NCAPH: variants seen among roughly 807,000 people sequenced by gnomAD.
The protein encoded by NCAPH is non-SMC condensin I complex subunit H, also known as condensin complex subunit 2.
Under a neutral mutation model 85.5 loss-of-function variants are expected in NCAPH, and 38 were observed. The ratio of observed to expected loss-of-function variants is 0.44; its 90% CI spans 0.34 to 0.58. The LOEUF (loss-of-function observed/expected upper bound fraction) is 0.58, where lower values mean the gene tolerates loss of function less well. NCAPH is among the 20% of genes least tolerant of loss of function. The probability of loss-of-function intolerance (pLI) is 0.01; values close to 1 mark genes in which losing one functional copy is unlikely to be tolerated. For synonymous variants in NCAPH, 301 were observed against 335.1 expected (o/e 0.90, Z 1.11); for missense variants, 789 against 916.6 (o/e 0.86, Z 1.80).
At chr2:96,343,992 A>G in intron 5 of NCAPH, 113 bp from the exon 6 acceptor site, 2 of 1,374,130 alleles carry the variant, frequency 1.5e-6, no homozygotes, top group Non-Finnish European at 2.0e-6. Flanking sequence ...ATGAGCCACC[A>G]CACCTGGCCT....
At position 96,369,389 on chromosome 2, in the gene NCAPH, T is replaced by C. The variant is rs371075180; in HGVS notation, c.2091-36T>C. 3 of 1,554,154 alleles carry C rather than the reference T, an allele frequency of 1.9e-6. No homozygotes were observed. In the African/African-American group the frequency reaches 4.1e-5, roughly 21 times the overall value. ...ATGAACGAGCTTTTGTTCTAACAGTTGGCAGTGACCTAAATACTTGCCCCT... is the reference window on the plus strand; with the variant it reads ...ATGAACGAGCTTTTGTTCTAACAGTCGGCAGTGACCTAAATACTTGCCCCT... On this transcript the variant is annotated intron_variant, in intron 16 of 17. Transcript: ENST00000240423.
intron 14 of NCAPH, among the ~76,000 whole-genome samples, chr2:96,367,040 G>C (rs1445749363): frequency 6.6e-6 from 1 of 152,160 alleles, no homozygotes; most frequent in East Asian, 1.9e-4. Context: ...AGGTTGCAGT[G>C]AGCTGAGATT....
intron 8 of NCAPH, 38 bp from the exon 9 acceptor site, chr2:96,354,145 A>G: frequency 6.3e-7 from 1 of 1,590,932 alleles, no homozygotes; most frequent in Non-Finnish European, 8.6e-7. Flanking sequence ...GGGTGGTTAT[A>G]GGAATGAGAA....
intron 4 of NCAPH, 26 bp downstream of exon 4, chr2:96,342,874 G>C (rs772706346): frequency 5.1e-6 from 8 of 1,563,436 alleles, no homozygotes; most frequent in Non-Finnish European, 7.0e-6. Flanking sequence ...ACTTTCTCTT[G>C]CATCTGAATT....
intron 9 of NCAPH, among the ~76,000 whole-genome samples, chr2:96,358,629 C>T (rs1018968317): frequency 6.6e-6 from 1 of 152,116 alleles, no homozygotes; most frequent in Non-Finnish European, 1.5e-5. Flanking sequence ...CCACCACGCC[C>T]GGCTAATTTT....
chr2:96,368,529 C>T (rs908913077), intron 15 of NCAPH, among the ~76,000 whole-genome samples: 4 of 152,036 alleles, frequency 2.6e-5, no homozygotes, highest in South Asian at 2.1e-4. Context: ...TGGTGGCGGG[C>T]ACCTGTAATC....
At chr2:96,350,925 G>A (rs1157140662) in intron 6 of NCAPH, among the ~76,000 whole-genome samples, 1 of 152,216 alleles carries the variant, frequency 6.6e-6, no homozygotes, top group Non-Finnish European at 1.5e-5. Context: ...GCACATGTGT[G>A]TGATTCACCC....
chr2:96,335,992 G>C (rs1483247014), intron 1 of NCAPH, 144 bp downstream of exon 1: 2 of 837,336 alleles, frequency 2.4e-6, no homozygotes, highest in Non-Finnish European at 3.3e-6. Context: ...AGCAGAGGCC[G>C]GTGCGGGGGG....
At chr2:96,353,189 G>C (rs1171615102) in intron 7 of NCAPH, 117 bp from the exon 8 acceptor site, 2 of 786,350 alleles carry the variant, frequency 2.5e-6, no homozygotes, top group Non-Finnish European at 4.1e-6. Context: ...TTTGCTGGAG[G>C]ACAGTGAGGT....
At chr2:96,335,913 AGGGCTGGC>A in intron 1 of NCAPH, 65 bp downstream of exon 1, 1 of 1,364,958 alleles carries the variant, frequency 7.3e-7, no homozygotes, top group Non-Finnish European at 9.5e-7. Context: ...TCGGGCGGGC[AGGGCTGGC>A]GGGCTGGCCT....
chr2:96,354,491 TC>T (rs974214067), intron 9 of NCAPH, 103 bp downstream of exon 9: 89 of 997,026 alleles, frequency 8.9e-5, no homozygotes, highest in East Asian at 2.5e-4. Flanking sequence ...TCTTTTTTTT[TC>T]CCCCCCCAAA....
chr2:96,339,953 C>T (rs1419919964), intron 1 of NCAPH, among the ~76,000 whole-genome samples: 1 of 152,108 alleles, frequency 6.6e-6, no homozygotes, highest in African/African-American at 2.4e-5. Context: ...GACAGAGTCT[C>T]ACTCTGTTGC....
chr2:96,350,956 G>A (rs2104447604), intron 6 of NCAPH, among the ~76,000 whole-genome samples: 1 of 152,296 alleles, frequency 6.6e-6, no homozygotes, highest in South Asian at 2.1e-4. Flanking sequence ...CTTATGCCCA[G>A]TGCCTGTTTT....
At chr2:96,370,041 A>G (rs1470427427) in intron 17 of NCAPH, among the ~76,000 whole-genome samples, 1 of 152,220 alleles carries the variant, frequency 6.6e-6, no homozygotes, top group African/African-American at 2.4e-5. Context: ...CTGCATAGCC[A>G]TGGGACAGCT....
intron 9 of NCAPH, among the ~76,000 whole-genome samples, chr2:96,357,567 C>T (rs756968214): frequency 6.6e-6 from 1 of 152,218 alleles, no homozygotes; most frequent in Non-Finnish European, 1.5e-5. Flanking sequence ...GCTGTTGAAA[C>T]TTCTTCCTTC....
At chr2:96,369,891 G>T (rs1295535730) in intron 17 of NCAPH, among the ~76,000 whole-genome samples, 1 of 152,212 alleles carries the variant, frequency 6.6e-6, no homozygotes, top group Non-Finnish European at 1.5e-5. Flanking sequence ...AGGATGAAAA[G>T]AAAACAGTTG....
At position 96,368,958 on chromosome 2, in the gene NCAPH, T is replaced by C. The variant is rs776385483; in HGVS notation, c.1999-14T>C. ...TAGCCCTAACTGTCCGATGTATAAA[T>C]GTGCTTCTGTTAGGCAAACCACAGG... is the stretch of plus-strand genomic sequence containing the variant. On this transcript the variant is annotated splice_polypyrimidine_tract_variant and intron_variant, in intron 15 of 17. Coordinates refer to ENST00000240423, the MANE Select transcript of NCAPH (RefSeq NM_015341.5). The C allele has an allele frequency of 5.8e-6, 9 of 1,551,846 alleles. No homozygotes were observed. Among genetic ancestry groups the C allele is most frequent in the Non-Finnish European group, 8.7e-7 (1 of 1,147,004 alleles).
chr2:96,337,241 C>G (rs2064225531), intron 1 of NCAPH, among the ~76,000 whole-genome samples: 1 of 152,212 alleles, frequency 6.6e-6, no homozygotes, highest in African/African-American at 2.4e-5. Flanking sequence ...CTCTCTTAGA[C>G]AAGGTTCTCC....
At chr2:96,335,991 C>T (rs2064207961) in intron 1 of NCAPH, 143 bp downstream of exon 1, 4 of 227,682 alleles carry the variant, frequency 1.8e-5, no homozygotes, top group South Asian at 7.0e-5. Context: ...CAGCAGAGGC[C>T]GGTGCGGGGG....
Sources: allele counts gnomAD v4.1 joint callset (sites outside exome capture counted in the v4.1 genomes callset), GRCh38; gene constraint gnomAD v4.1.1; transcripts MANE v1.5; gene names NCBI Gene and HGNC (gene_info 2026-07-23, HGNC 2026-07-21).